The following PTCSC3 variants were observed in gnomAD, a reference collection of about 807,000 sequenced individuals.
The protein encoded by PTCSC3 is papillary thyroid carcinoma susceptibility candidate 3 (non-protein coding).
intron 2 of PTCSC3, among the ~76,000 whole-genome samples, chr14:36,155,608 C>A (rs1294523802): frequency 6.6e-6 from 1 of 151,874 alleles, no homozygotes; most frequent in Non-Finnish European, 1.5e-5. Flanking sequence ...AATGGAAGAC[C>A]AAATTTCAAC....
At chr14:36,140,737 A>C (rs2899846) in intron 3 of PTCSC3, among the ~76,000 whole-genome samples, 94,850 of 151,912 alleles carry the variant, frequency 0.62, 30,224 homozygotes, top group Middle Eastern at 0.69. Flanking sequence ...AGAAAATTTT[A>C]ATTTTAATGA....
chr14:36,150,839 G>A (rs1881704874), intron 3 of PTCSC3, among the ~76,000 whole-genome samples: 1 of 151,830 alleles, frequency 6.6e-6, no homozygotes, highest in Admixed American at 6.6e-5. Flanking sequence ...TTATAACATT[G>A]GTGCATTTAT....
At chr14:36,167,059 G>A (rs1402547018) in intron 1 of PTCSC3, among the ~76,000 whole-genome samples, 1 of 152,114 alleles carries the variant, frequency 6.6e-6, no homozygotes, top group Admixed American at 6.5e-5. Flanking sequence ...TGACTTTCAT[G>A]GCTAATTAGT....
chr14:36,162,588 C>G (rs569594672), intron 2 of PTCSC3: 1 of 152,248 alleles, frequency 6.6e-6, no homozygotes, highest in Non-Finnish European at 1.5e-5. Flanking sequence ...ATGAGATTAA[C>G]TGGGTACCTC....
At chr14:36,151,708 T>C (rs1881728816) in intron 3 of PTCSC3, among the ~76,000 whole-genome samples, 1 of 152,172 alleles carries the variant, frequency 6.6e-6, no homozygotes, top group South Asian at 2.1e-4. Context: ...AAATTGAGGC[T>C]GGAGTTAGCT....
intron 3 of PTCSC3, among the ~76,000 whole-genome samples, chr14:36,147,598 T>G (rs1271936895): frequency 1.3e-5 from 2 of 151,910 alleles, no homozygotes; most frequent in African/African-American, 4.8e-5. Flanking sequence ...TTCTTTGCCT[T>G]TGGTTTGAAT....
intron 3 of PTCSC3, among the ~76,000 whole-genome samples, chr14:36,145,450 A>G (rs919422035): frequency 4.1e-4 from 61 of 149,290 alleles, no homozygotes; most frequent in African/African-American, 1.4e-3. Context: ...ATTTGCGTAG[A>G]GGTGTTTGTA....
At chr14:36,149,988 T>C (rs1383212897) in intron 3 of PTCSC3, among the ~76,000 whole-genome samples, 1 of 152,220 alleles carries the variant, frequency 6.6e-6, no homozygotes, top group Non-Finnish European at 1.5e-5. Flanking sequence ...GCATTTCCTT[T>C]GATCATCATG....
chr14:36,143,041 T>A (rs1881463520), intron 3 of PTCSC3, among the ~76,000 whole-genome samples: 1 of 152,036 alleles, frequency 6.6e-6, no homozygotes, highest in African/African-American at 2.4e-5. Context: ...CCACATTTTC[T>A]TAATCCAGTC....
intron 3 of PTCSC3, among the ~76,000 whole-genome samples, chr14:36,139,208 T>C (rs1293651534): frequency 6.6e-6 from 1 of 151,734 alleles, no homozygotes; most frequent in Non-Finnish European, 1.5e-5. Flanking sequence ...ATAAGAGCCT[T>C]GAACTGAAAA....
chr14:36,141,241 T>C (rs1183623635), intron 3 of PTCSC3, among the ~76,000 whole-genome samples: 1 of 152,192 alleles, frequency 6.6e-6, no homozygotes, highest in African/African-American at 2.4e-5. Context: ...CCATATAAAC[T>C]TTAGAATCAA....
downstream of PTCSC3, among the ~76,000 whole-genome samples, chr14:36,135,564 G>A (rs568875367): frequency 1.3e-5 from 2 of 152,240 alleles, no homozygotes; most frequent in South Asian, 4.1e-4. Flanking sequence ...TGTGATGTCT[G>A]CCTCTGCACC....
chr14:36,156,793 T>G (rs1881838099), intron 2 of PTCSC3, among the ~76,000 whole-genome samples: 1 of 152,226 alleles, frequency 6.6e-6, no homozygotes, highest in Non-Finnish European at 1.5e-5. Flanking sequence ...TGTGCCACAT[T>G]TTCTTTATCC....
chr14:36,158,542 T>C (rs1019926013), intron 2 of PTCSC3, among the ~76,000 whole-genome samples: 1 of 152,238 alleles, frequency 6.6e-6, no homozygotes, highest in African/African-American at 2.4e-5. Flanking sequence ...TCTGTTTATG[T>C]GATGGATTAT....
At chr14:36,173,420 C>T (rs574275915) in intron 1 of PTCSC3, among the ~76,000 whole-genome samples, 1 of 152,246 alleles carries the variant, frequency 6.6e-6, no homozygotes, top group African/African-American at 2.4e-5. Context: ...TGAGACTAGA[C>T]TCTGAGCTGT....
intron 1 of PTCSC3, among the ~76,000 whole-genome samples, chr14:36,171,720 G>A (rs896042200): frequency 2.6e-5 from 4 of 152,136 alleles, no homozygotes; most frequent in Non-Finnish European, 4.4e-5. Flanking sequence ...TGCATTCCTC[G>A]ACAAGAAGCT....
chr14:36,173,116 GCTAT>G (rs1319292768), intron 1 of PTCSC3, among the ~76,000 whole-genome samples: 3 of 152,004 alleles, frequency 2.0e-5, no homozygotes, highest in Non-Finnish European at 4.4e-5. Context: ...TTAGTCTTGT[GCTAT>G]CTATTTATAG....
intron 3 of PTCSC3, among the ~76,000 whole-genome samples, chr14:36,148,000 TGAG>T (rs1881626422): frequency 6.6e-6 from 1 of 152,194 alleles, no homozygotes; most frequent in Non-Finnish European, 1.5e-5. Flanking sequence ...GGGACCCCCT[TGAG>T]GAGGCAGTCT....
At chr14:36,173,367 A>T (rs1349032644) in intron 1 of PTCSC3, among the ~76,000 whole-genome samples, 2 of 152,192 alleles carry the variant, frequency 1.3e-5, no homozygotes, top group South Asian at 4.1e-4. Flanking sequence ...GTAACTCTGA[A>T]TCATAGCCCT....
Sources: gnomAD v4.1 joint callset for allele counts (sites outside exome capture counted in the v4.1 genomes callset) on GRCh38, gnomAD v4.1.1 for gene constraint, MANE v1.5 for transcripts, NCBI Gene and HGNC (gene_info 2026-07-23, HGNC 2026-07-21) for gene names.